The following DAB1 variants were observed in gnomAD, a reference collection of about 807,000 sequenced individuals.
The protein encoded by DAB1 is DAB adaptor protein 1, also known as disabled homolog 1.
A neutral mutation model predicts 64.6 loss-of-function variants in DAB1; 15 were observed. The ratio of observed to expected loss-of-function variants is 0.23; its 90% confidence interval spans 0.16 to 0.36. The LOEUF is 0.36. Ranked by LOEUF, DAB1 falls within the 10% of genes least tolerant of loss-of-function variation. The probability of loss-of-function intolerance (pLI) is 1.00; values close to 1 mark genes in which losing one functional copy is unlikely to be tolerated. For synonymous variants in DAB1, 235 were observed against 251.9 expected, an observed-to-expected ratio of 0.93 and a Z score of 0.64; for missense variants, 596 against 706.7, an observed-to-expected ratio of 0.84 and a Z score of 1.78.
chr1:57,543,528 A>G (rs1486180269), intron 7 of DAB1, among the ~76,000 whole-genome samples: 1 of 152,206 alleles, frequency 6.6e-6, no homozygotes, highest in Non-Finnish European at 1.5e-5. Context: ...TTTATTAGAC[A>G]AATGGGCATA....
chr1:57,112,750 G>A (rs1309774512), intron 4 of DAB1, among the ~76,000 whole-genome samples: 1 of 151,808 alleles, frequency 6.6e-6, no homozygotes, highest in East Asian at 1.9e-4. Context: ...CAATTTTTTT[G>A]TTCATTCACT....
At chr1:57,750,116 T>C (rs1221068252) in intron 6 of DAB1, among the ~76,000 whole-genome samples, 2 of 152,224 alleles carry the variant, frequency 1.3e-5, no homozygotes, top group Non-Finnish European at 2.9e-5. Context: ...CTCTCCTTTG[T>C]TGCTGGGCCA....
At chr1:57,339,354 C>T (rs1020880667) in intron 1 of DAB1, among the ~76,000 whole-genome samples, 5 of 152,114 alleles carry the variant, frequency 3.3e-5, no homozygotes, top group Non-Finnish European at 2.9e-5. Context: ...GATGGGGTTT[C>T]ACTGTGTTAG....
intron 6 of DAB1, among the ~76,000 whole-genome samples, chr1:57,753,376 T>C (rs1648644135): frequency 1.3e-5 from 2 of 152,202 alleles, no homozygotes; most frequent in Non-Finnish European, 2.9e-5. Context: ...TGAGCTTGGC[T>C]GACCCCTCTG....
At chr1:58,045,615 T>C (rs1340719525) in intron 5 of DAB1, among the ~76,000 whole-genome samples, 1 of 131,982 alleles carries the variant, frequency 7.6e-6, no homozygotes, top group East Asian at 2.0e-4. Context: ...TCCAAATTGC[T>C]AGGAATATTT....
intron 6 of DAB1, among the ~76,000 whole-genome samples, chr1:57,684,817 T>C (rs1478971113): frequency 2.0e-5 from 3 of 152,072 alleles, no homozygotes; most frequent in East Asian, 1.9e-4. Context: ...TTAAAAGACA[T>C]AGAGTGGCCA....
intron 7 of DAB1, among the ~76,000 whole-genome samples, chr1:57,502,911 AATAG>A (rs1644306152): frequency 6.6e-6 from 1 of 152,270 alleles, no homozygotes; most frequent in African/African-American, 2.4e-5. Flanking sequence ...AACCAGTAAT[AATAG>A]ATAGCACATA....
downstream of DAB1, among the ~76,000 whole-genome samples, chr1:57,824,592 C>A (rs1418774110): frequency 6.6e-6 from 1 of 152,166 alleles, no homozygotes; most frequent in Non-Finnish European, 1.5e-5. Context: ...TCACCAATAA[C>A]ATGTACACAG....
chr1:57,172,451 A>G (rs1406875358), intron 2 of DAB1, among the ~76,000 whole-genome samples: 3 of 152,210 alleles, frequency 2.0e-5, no homozygotes, highest in Non-Finnish European at 4.4e-5. Context: ...GCCAAATGGC[A>G]TTGTCTTAGT....
intron 5 of DAB1, among the ~76,000 whole-genome samples, chr1:58,051,433 A>T (rs776279621): frequency 6.6e-6 from 1 of 152,064 alleles, no homozygotes; most frequent in Non-Finnish European, 1.5e-5. Flanking sequence ...CAATTTTCTT[A>T]ATCCAGTCTA....
At chr1:58,138,737 A>G (rs773152219) in intron 5 of DAB1, among the ~76,000 whole-genome samples, 1 of 152,120 alleles carries the variant, frequency 6.6e-6, no homozygotes, top group Non-Finnish European at 1.5e-5. Context: ...TTGAAGGAGG[A>G]AGATCATTTA....
At chr1:57,673,317 C>T (rs1285700195) in intron 6 of DAB1, among the ~76,000 whole-genome samples, 1 of 152,110 alleles carries the variant, frequency 6.6e-6, no homozygotes, top group African/African-American at 2.4e-5. Context: ...CAAATAGGAA[C>T]AGGAAGGAGC....
chr1:58,072,660 C>A (rs1181775371), intron 5 of DAB1, among the ~76,000 whole-genome samples: 2 of 152,224 alleles, frequency 1.3e-5, no homozygotes, highest in African/African-American at 4.8e-5. Flanking sequence ...AATTGCTGAG[C>A]AGCAGTGATT....
intron 12 of DAB1, among the ~76,000 whole-genome samples, chr1:57,014,225 C>G (rs1205775919): frequency 6.6e-6 from 1 of 152,208 alleles, no homozygotes; most frequent in Admixed American, 6.5e-5. Flanking sequence ...AGTAATAAAT[C>G]TGATCTCCAG....
At chr1:57,467,983 T>G (rs1208921885) in intron 7 of DAB1, among the ~76,000 whole-genome samples, 2 of 152,228 alleles carry the variant, frequency 1.3e-5, no homozygotes, top group Non-Finnish European at 2.9e-5. Flanking sequence ...TTCTGAGTGC[T>G]TGGAATAGAC....
At chr1:57,451,993 C>T (rs756254783) in intron 7 of DAB1, among the ~76,000 whole-genome samples, 6 of 151,964 alleles carry the variant, frequency 3.9e-5, no homozygotes, top group Admixed American at 1.3e-4. Context: ...CATTATTGCA[C>T]GTGACCCTCA....
chr1:57,746,771 A>G (rs1435089855), intron 6 of DAB1, among the ~76,000 whole-genome samples: 1 of 151,954 alleles, frequency 6.6e-6, no homozygotes, highest in East Asian at 1.9e-4. Flanking sequence ...ATTATTTTGT[A>G]TTGTTATATT....
At chr1:57,681,856 GA>G (rs1325997946) in intron 6 of DAB1, among the ~76,000 whole-genome samples, 1 of 152,118 alleles carries the variant, frequency 6.6e-6, no homozygotes, top group Non-Finnish European at 1.5e-5. Flanking sequence ...AGATTAATTA[GA>G]AACCTGTAGA....
At chr1:57,385,648 C>G (rs17424691) in intron 1 of DAB1, among the ~76,000 whole-genome samples, 12,848 of 152,138 alleles carry the variant, frequency 0.084, 601 homozygotes, top group Middle Eastern at 0.12. Context: ...ATGACATACT[C>G]AGAGAAAGAG....
Sources: allele counts gnomAD v4.1 joint callset (sites outside exome capture counted in the v4.1 genomes callset), GRCh38; gene constraint gnomAD v4.1.1; transcripts MANE v1.5; gene names NCBI Gene and HGNC (gene_info 2026-07-23, HGNC 2026-07-21).